Variants in MMS22L observed in about 807,000 individuals in gnomAD.
MMS22L encodes protein MMS22-like.
A neutral mutation model predicts 159.1 loss-of-function variants in MMS22L; 74 were observed. The observed-to-expected ratio is 0.47, with a 90% CI of 0.39 to 0.56. The LOEUF is 0.56. MMS22L is among the 20% of genes least tolerant of loss of function. The pLI, the probability that MMS22L is intolerant of heterozygous loss-of-function variation, is 0.00. For missense variants in MMS22L, 1,351 were observed against 1,422.1 expected, an observed-to-expected ratio of 0.95 and a Z score of 0.80; for synonymous variants, 517 against 506.9, an observed-to-expected ratio of 1.02 and a Z score of -0.27.
At chr6:97,176,370 TG>T (rs1804114139) in intron 18 of MMS22L, among the ~76,000 whole-genome samples, 1 of 152,056 alleles carries the variant, frequency 6.6e-6, no homozygotes, top group Admixed American at 6.6e-5. Context: ...CTAAAAAACA[TG>T]TATTTCTCGG....
chr6:97,155,615 C>T lies in MMS22L; in HGVS notation c.3386-3748G>A, dbSNP rs141111820. 5.1e-3 allele frequency among the ~76,000 whole-genome samples: 777 copies of T among 152,300 alleles called. 6 individuals carry two copies. Among genetic ancestry groups the T allele is most frequent in the African/African-American group, 0.017 (723 of 41,558 alleles). On this transcript the variant is annotated intron_variant, in intron 22 of 24. Coordinates refer to ENST00000683635, the MANE Select transcript of MMS22L (RefSeq NM_001350599.2). ...TGCTGAGAATGATGGTTTCCAGTTT[C>T]ACCCACGTCCCTGCAAAGGACATGA... is the stretch of plus-strand genomic sequence containing the variant.
At chr6:97,170,767 G>C (rs1803460451) in intron 19 of MMS22L, among the ~76,000 whole-genome samples, 3 of 152,162 alleles carry the variant, frequency 2.0e-5, no homozygotes, top group Admixed American at 2.0e-4. Flanking sequence ...AGCACTTTGG[G>C]AGGCTGAGGC....
intron 10 of MMS22L, among the ~76,000 whole-genome samples, chr6:97,252,163 A>G (rs1477110372): frequency 6.6e-6 from 1 of 152,204 alleles, no homozygotes; most frequent in African/African-American, 2.4e-5. Flanking sequence ...CCATATTACA[A>G]TAGCAATGGC....
intron 12 of MMS22L, 50 bp downstream of exon 12, chr6:97,233,811 T>C (rs1811115031): frequency 6.5e-7 from 1 of 1,546,218 alleles, no homozygotes; most frequent in Non-Finnish European, 8.7e-7. Context: ...TCCTCAAATA[T>C]GTACAAATTT....
chr6:97,151,925 A>C, intron 22 of MMS22L, 58 bp from the exon 23 acceptor site: 1 of 1,266,900 alleles, frequency 7.9e-7, no homozygotes, highest in South Asian at 1.3e-5. Flanking sequence ...CTGGATCCTC[A>C]TTTTTATGAA....
chr6:97,177,646 T>C (rs1804260839), intron 18 of MMS22L, among the ~76,000 whole-genome samples: 1 of 152,168 alleles, frequency 6.6e-6, no homozygotes, highest in South Asian at 2.1e-4. Context: ...ATGGAATGTG[T>C]ATTTTACATC....
chr6:97,169,659 G>A (rs1803319557), intron 19 of MMS22L, among the ~76,000 whole-genome samples: 1 of 152,178 alleles, frequency 6.6e-6, no homozygotes, highest in Non-Finnish European at 1.5e-5. Flanking sequence ...TGTTCACTTA[G>A]CAAAGTTTTA....
intron 9 of MMS22L, among the ~76,000 whole-genome samples, chr6:97,258,474 AC>A (rs1814070923): frequency 6.6e-6 from 1 of 152,158 alleles, no homozygotes; most frequent in Non-Finnish European, 1.5e-5. Flanking sequence ...TTGTAAGCCC[AC>A]CCAGTGAAAA....
At chr6:97,156,660 T>A (rs1053046986) in intron 22 of MMS22L, among the ~76,000 whole-genome samples, 2 of 152,192 alleles carry the variant, frequency 1.3e-5, no homozygotes, top group African/African-American at 4.8e-5. Flanking sequence ...TCTGCTCTGT[T>A]CCATTGGTCT....
chr6:97,188,329 T>C (rs1805469299), intron 14 of MMS22L, among the ~76,000 whole-genome samples: 1 of 152,176 alleles, frequency 6.6e-6, no homozygotes, highest in African/African-American at 2.4e-5. Flanking sequence ...GCTCACCATA[T>C]CTAAAAAAGC....
At chr6:97,173,664 C>T (rs1803795523) in intron 18 of MMS22L, among the ~76,000 whole-genome samples, 2 of 151,996 alleles carry the variant, frequency 1.3e-5, no homozygotes, top group Non-Finnish European at 2.9e-5. Context: ...CAAGCAAAAC[C>T]TCTAAAAAGT....
chr6:97,165,113 C>T lies in MMS22L; in HGVS notation c.3221+133G>A, dbSNP rs891359366. 9 of 683,194 alleles carry T rather than the reference C, an allele frequency of 1.3e-5. No individual in the cohort carries two copies. In the Admixed American group the frequency reaches 2.0e-4, roughly 15 times the overall value. 42.3% of individuals were successfully genotyped at this position (683,194 alleles called of 1,614,324 possible). ...CATTTTAATAAAATCTTAGATAATG[C>T]TTCTCAGGAAAACAAAAAGCTTCTG... On this transcript the variant is annotated intron_variant, in intron 21 of 24. Transcript: ENST00000683635.
intron 14 of MMS22L, among the ~76,000 whole-genome samples, chr6:97,209,424 C>T (rs979502089): frequency 2.6e-5 from 4 of 151,862 alleles, no homozygotes; most frequent in African/African-American, 9.7e-5. Context: ...CTATCTAGTA[C>T]CGGTAAGAGA....
chr6:97,182,479 T>C (rs1804814677), intron 15 of MMS22L, among the ~76,000 whole-genome samples: 1 of 152,094 alleles, frequency 6.6e-6, no homozygotes, highest in Non-Finnish European at 1.5e-5. Flanking sequence ...CACTGGACAT[T>C]CTCTTCTATT....
At chr6:97,278,924 G>A in intron 3 of MMS22L, 26 bp from the exon 4 acceptor site, 4 of 1,601,366 alleles carry the variant, frequency 2.5e-6, no homozygotes, top group Non-Finnish European at 3.4e-6. Context: ...TAAGGTGAGA[G>A]TTAATTTTAG....
At chr6:97,253,114 C>T (rs1370052219) in intron 10 of MMS22L, among the ~76,000 whole-genome samples, 2 of 152,114 alleles carry the variant, frequency 1.3e-5, no homozygotes, top group Admixed American at 6.5e-5. Flanking sequence ...GATACTGGGC[C>T]GTGTGTGAAC....
intron 9 of MMS22L, among the ~76,000 whole-genome samples, chr6:97,263,038 A>G (rs992552521): frequency 1.3e-5 from 2 of 152,306 alleles, no homozygotes; most frequent in Non-Finnish European, 2.9e-5. Context: ...TAGGTTACTA[A>G]TGGGTAGTAA....
intron 14 of MMS22L, among the ~76,000 whole-genome samples, chr6:97,219,612 C>T (rs1809407126): frequency 1.3e-5 from 2 of 152,148 alleles, no homozygotes; most frequent in Admixed American, 6.5e-5. Flanking sequence ...TACAAAGATG[C>T]AGCTGAAACT....
intron 14 of MMS22L, among the ~76,000 whole-genome samples, chr6:97,189,904 T>C (rs562926214): frequency 3.3e-5 from 5 of 152,306 alleles, no homozygotes; most frequent in Admixed American, 3.3e-4. Flanking sequence ...ATAATTTATT[T>C]AAGCATAAAG....
Sources: allele counts gnomAD v4.1 joint callset (sites outside exome capture counted in the v4.1 genomes callset), GRCh38; gene constraint gnomAD v4.1.1; transcripts MANE v1.5; gene names NCBI Gene and HGNC (gene_info 2026-07-23, HGNC 2026-07-21).